The following HS6ST3 variants were observed in gnomAD, a reference collection of about 807,000 sequenced individuals.
The protein encoded by HS6ST3 is heparan-sulfate 6-O-sulfotransferase 3.
HS6ST3 carries 12 observed loss-of-function variants against 36.7 expected under a neutral mutation model. That is an observed-to-expected ratio of 0.33 (90% CI 0.21 to 0.53). The LOEUF is 0.53. Among genes scored for constraint, HS6ST3 ranks in the 20% least tolerant of loss-of-function variants. HS6ST3 has a pLI of 0.95. For synonymous variants in HS6ST3, 240 were observed against 257.5 expected, an observed-to-expected ratio of 0.93 and a Z score of 0.65; for missense variants, 584 against 640.9, an observed-to-expected ratio of 0.91 and a Z score of 0.96.
rs866682293 is a variant in HS6ST3 at position 96,639,241 on chromosome 13, T to C, written c.708-193249T>C. 3.3e-5 allele frequency among the ~76,000 whole-genome samples: 5 copies of C among 152,186 alleles called. No individual in the cohort carries two copies. In the South Asian group the frequency reaches 1.0e-3, roughly 32 times the overall value. On this transcript the variant is annotated intron_variant, in intron 1 of 1. Coordinates refer to ENST00000376705, the MANE Select transcript of HS6ST3 (RefSeq NM_153456.4). Reference sequence around the variant, plus strand: ...GGTCCATATATGTTTAAAATTGCTATAATTTCTAATAAATTGGACACTTTT... The same window carrying C: ...GGTCCATATATGTTTAAAATTGCTACAATTTCTAATAAATTGGACACTTTT...
chr13:96,326,189 T>A (rs531766164), intron 1 of HS6ST3, among the ~76,000 whole-genome samples: 35 of 147,560 alleles, frequency 2.4e-4, no homozygotes, highest in African/African-American at 7.7e-4. Flanking sequence ...AATTTTTTTT[T>A]ATTATACTTT....
At chr13:96,147,295 T>G (rs186337149) in intron 1 of HS6ST3, among the ~76,000 whole-genome samples, 1 of 152,274 alleles carries the variant, frequency 6.6e-6, no homozygotes, top group East Asian at 1.9e-4. Context: ...TTACCCCAAA[T>G]CACTCAAATC....
intron 1 of HS6ST3, among the ~76,000 whole-genome samples, chr13:96,533,180 C>T (rs528478586): frequency 6.6e-6 from 1 of 152,178 alleles, no homozygotes; most frequent in Non-Finnish European, 1.5e-5. Flanking sequence ...GGGAGCCAAG[C>T]GAAGAGAAAC....
intron 1 of HS6ST3, among the ~76,000 whole-genome samples, chr13:96,096,696 G>C (rs1168545885): frequency 6.6e-6 from 1 of 152,126 alleles, no homozygotes; most frequent in African/African-American, 2.4e-5. Flanking sequence ...AAAAAGATAA[G>C]ATGAGAAAAT....
At chr13:96,592,291 C>T (rs537234751) in intron 1 of HS6ST3, among the ~76,000 whole-genome samples, 1 of 152,212 alleles carries the variant, frequency 6.6e-6, no homozygotes, top group Non-Finnish European at 1.5e-5. Context: ...AACAAAATCT[C>T]TATACCTTAA....
rs1298372118 is a variant in HS6ST3 at position 96,181,475 on chromosome 13, GT to G, written c.707+89912del. On this transcript the variant is annotated intron_variant, in intron 1 of 1. Transcript: ENST00000376705. Reference sequence around the variant, plus strand: ...GAATATTTTCCTGAGGAAAGGAGAGGTTTTTTCTGCCTCGTTTGAGCTCAGT... The same window carrying G: ...GAATATTTTCCTGAGGAAAGGAGAGGTTTTTCTGCCTCGTTTGAGCTCAGT... Among the ~76,000 whole-genome samples, 9 of 152,302 alleles carry G rather than the reference GT, an allele frequency of 5.9e-5. No homozygotes were observed. In the East Asian group the frequency reaches 1.2e-3, roughly 20 times the overall value.
chr13:96,551,974 C>A (rs947569977), intron 1 of HS6ST3, among the ~76,000 whole-genome samples: 1 of 152,132 alleles, frequency 6.6e-6, no homozygotes, highest in Non-Finnish European at 1.5e-5. Flanking sequence ...GTAAACCTGC[C>A]AACTTTAAAG....
chr13:96,466,833 A>C (rs2055816726), intron 1 of HS6ST3, among the ~76,000 whole-genome samples: 1 of 152,186 alleles, frequency 6.6e-6, no homozygotes, highest in Non-Finnish European at 1.5e-5. Flanking sequence ...ATTATTTTTA[A>C]GTTGGAAATC....
intron 1 of HS6ST3, among the ~76,000 whole-genome samples, chr13:96,443,259 G>A (rs9300356): frequency 0.18 from 27,728 of 151,682 alleles, 4,113 homozygotes; most frequent in African/African-American, 0.39. Context: ...GGCCGGGTGC[G>A]GTGGCTCACG....
intron 1 of HS6ST3, among the ~76,000 whole-genome samples, chr13:96,269,204 A>C (rs969061374): frequency 6.6e-6 from 1 of 152,022 alleles, no homozygotes; most frequent in Non-Finnish European, 1.5e-5. Flanking sequence ...TAAAGGGTCA[A>C]AGTTTTATGG....
intron 1 of HS6ST3, among the ~76,000 whole-genome samples, chr13:96,431,103 C>G (rs1050288057): frequency 6.6e-6 from 1 of 151,960 alleles, no homozygotes; most frequent in Non-Finnish European, 1.5e-5. Context: ...ATGCAGGAGG[C>G]TGAGGCAGGA....
At chr13:96,598,109 G>A (rs1057304489) in intron 1 of HS6ST3, among the ~76,000 whole-genome samples, 5 of 152,142 alleles carry the variant, frequency 3.3e-5, no homozygotes, top group Middle Eastern at 3.4e-3. Context: ...ATAATGTGAT[G>A]CCTCTAGATT....
chr13:96,729,964 A>G (rs1461573633), intron 1 of HS6ST3, among the ~76,000 whole-genome samples: 1 of 152,222 alleles, frequency 6.6e-6, no homozygotes, highest in African/African-American at 2.4e-5. Context: ...CCTCTGAGAC[A>G]TGCTCAATCC....
intron 1 of HS6ST3, among the ~76,000 whole-genome samples, chr13:96,442,044 C>CAA (rs956745955): frequency 2.7e-5 from 4 of 148,870 alleles, no homozygotes; most frequent in African/African-American, 9.9e-5. Flanking sequence ...TTTTTTCAGA[C>CAA]AGAGTCTTAC....
At chr13:96,459,404 CT>C (rs2055771447) in intron 1 of HS6ST3, among the ~76,000 whole-genome samples, 2 of 151,680 alleles carry the variant, frequency 1.3e-5, no homozygotes, top group Non-Finnish European at 1.5e-5. Flanking sequence ...ATGAGATCAT[CT>C]TGGTTATCAT....
intron 1 of HS6ST3, among the ~76,000 whole-genome samples, chr13:96,406,313 C>T (rs1343873538): frequency 2.0e-5 from 3 of 152,184 alleles, no homozygotes; most frequent in Non-Finnish European, 2.9e-5. Flanking sequence ...TTCTTAGGCT[C>T]AGTGGTACCG....
At chr13:96,695,274 T>A (rs1227174471) in intron 1 of HS6ST3, among the ~76,000 whole-genome samples, 1 of 152,186 alleles carries the variant, frequency 6.6e-6, no homozygotes, top group African/African-American at 2.4e-5. Context: ...CTTCTAATTC[T>A]ACCCTTTGTG....
intron 1 of HS6ST3, among the ~76,000 whole-genome samples, chr13:96,612,831 C>T (rs543848678): frequency 1.8e-4 from 27 of 152,234 alleles, no homozygotes; most frequent in South Asian, 4.1e-4. Context: ...CCTTGTGTGA[C>T]GTGTCCCTCT....
chr13:96,474,284 A>G (rs1392127578), intron 1 of HS6ST3, among the ~76,000 whole-genome samples: 2 of 152,140 alleles, frequency 1.3e-5, no homozygotes, highest in African/African-American at 4.8e-5. Flanking sequence ...TCAGATTTGG[A>G]GAGGAGCACA....
Sources: allele counts gnomAD v4.1 joint callset (sites outside exome capture counted in the v4.1 genomes callset), GRCh38; gene constraint gnomAD v4.1.1; transcripts MANE v1.5; gene names NCBI Gene and HGNC (gene_info 2026-07-23, HGNC 2026-07-21).